The following EPHA7 variants were observed in gnomAD, a reference collection of about 807,000 sequenced individuals.
The protein encoded by EPHA7 is ephrin type-A receptor 7.
A neutral mutation model predicts 112.6 loss-of-function variants in EPHA7; 25 were observed. The ratio of observed to expected loss-of-function variants is 0.22; its 90% CI spans 0.16 to 0.31. The LOEUF is 0.31. Ranked by LOEUF, EPHA7 falls within the 10% of genes least tolerant of loss-of-function variation. EPHA7 has a pLI of 1.00. For synonymous variants in EPHA7, 437 were observed against 406.5 expected, an observed-to-expected ratio of 1.07 and a Z score of -0.90; for missense variants, 962 against 1,212.6, an observed-to-expected ratio of 0.79 and a Z score of 3.07.
chr6:93,283,517 G>A (rs7761727), intron 5 of EPHA7, among the ~76,000 whole-genome samples: 3,610 of 152,048 alleles, frequency 0.024, 58 homozygotes, highest in African/African-American at 0.048. Context: ...CAATCAATGC[G>A]AAGGTCTGCA....
chr6:93,242,944 A>G lies in EPHA7; in HGVS notation c.*482T>C, dbSNP rs958906780. 1 of 218,628 alleles carries G rather than the reference A, an allele frequency of 4.6e-6. No individual in the cohort carries two copies. The highest frequency in any genetic ancestry group is 9.2e-6 in the Non-Finnish European group (1 of 108,788). The allele number at this position is 218,628 out of a possible 1,614,324, so 13.5% of individuals were successfully genotyped here. On this transcript the variant is annotated 3_prime_UTR_variant, in exon 17 of 17. Coordinates refer to ENST00000369303, the MANE Select transcript of EPHA7 (RefSeq NM_004440.4). ...AGTAATGTTACAGATTTAACACTAA[A>G]AAGGTCCAAAGCTATAAACAGCTTT...
chr6:93,311,114 ATTTTTTTTTTTT>A lies in EPHA7; in HGVS notation c.1325-38704_1325-38693del, dbSNP rs71542009. On this transcript the variant is annotated intron_variant, in intron 5 of 16. Coordinates refer to ENST00000369303, the MANE Select transcript of EPHA7 (RefSeq NM_004440.4). ...ACAGGCATGTGCATCATGCCCAGCT[ATTTTTTTTTTTT>A]TTTTTTTTTTTTTTTACAGAGATTG... Among the ~76,000 whole-genome samples the A allele has an allele frequency of 8.8e-4, 69 of 78,512 alleles. 1 individual carries two copies. In the South Asian group the frequency reaches 0.026, roughly 30 times the overall value. 51.5% of individuals were successfully genotyped at this position (78,512 alleles called of 152,430 possible). A position where few individuals can be genotyped will look rare whatever the true frequency, so the allele number is the denominator to read the frequency against.
At chr6:93,354,909 A>T (rs1406204681) in intron 5 of EPHA7, among the ~76,000 whole-genome samples, 1 of 152,164 alleles carries the variant, frequency 6.6e-6, no homozygotes, top group African/African-American at 2.4e-5. Flanking sequence ...TAAAAATGTC[A>T]CTTCTTGATA....
At chr6:93,309,239 G>C (rs776953289) in intron 5 of EPHA7, among the ~76,000 whole-genome samples, 1 of 152,170 alleles carries the variant, frequency 6.6e-6, no homozygotes, top group Non-Finnish European at 1.5e-5. Context: ...GTGAGCCACC[G>C]CACCCAGCCT....
chr6:93,368,072 A>G (rs1253986819), intron 3 of EPHA7, among the ~76,000 whole-genome samples: 6 of 152,186 alleles, frequency 3.9e-5, no homozygotes, highest in African/African-American at 1.4e-4. Context: ...CCAAAAAGGT[A>G]TATCAGCTAA....
At chr6:93,296,456 TATATATATATG>T (rs1562077301) in intron 5 of EPHA7, among the ~76,000 whole-genome samples, 9 of 111,462 alleles carry the variant, frequency 8.1e-5, no homozygotes, top group South Asian at 2.4e-4. Context: ...TATATATAAA[TATATATATATG>T]TATATATATA....
intron 5 of EPHA7, among the ~76,000 whole-genome samples, chr6:93,288,040 T>C (rs1772161741): frequency 6.6e-6 from 1 of 152,156 alleles, no homozygotes; most frequent in Non-Finnish European, 1.5e-5. Context: ...AAGAGTTAAA[T>C]ATAAAGTTAC....
intron 5 of EPHA7, among the ~76,000 whole-genome samples, chr6:93,305,189 A>G (rs1773190143): frequency 6.6e-6 from 1 of 151,942 alleles, no homozygotes; most frequent in African/African-American, 2.4e-5. Flanking sequence ...CACAACTGAA[A>G]GTGTTCATGG....
chr6:93,302,541 C>A (rs1773040844), intron 5 of EPHA7, among the ~76,000 whole-genome samples: 1 of 152,196 alleles, frequency 6.6e-6, no homozygotes, highest in Admixed American at 6.5e-5. Context: ...AATTCTTCAA[C>A]TGCATTGGCG....
chr6:93,341,070 G>T (rs72914257), intron 5 of EPHA7, among the ~76,000 whole-genome samples: 37,985 of 151,646 alleles, frequency 0.25, 5,293 homozygotes, highest in Non-Finnish European at 0.32. Flanking sequence ...ATTCTTGCTG[G>T]GTAAGCATTA....
At chr6:93,402,190 T>TC (rs1778466276) in intron 3 of EPHA7, among the ~76,000 whole-genome samples, 1 of 151,924 alleles carries the variant, frequency 6.6e-6, no homozygotes, top group Non-Finnish European at 1.5e-5. Context: ...CCTTATGTTC[T>TC]CCCCCCTTTC....
chr6:93,288,757 A>G (rs1772202181), intron 5 of EPHA7, among the ~76,000 whole-genome samples: 1 of 152,122 alleles, frequency 6.6e-6, no homozygotes, highest in Admixed American at 6.5e-5. Context: ...AAGTTGAGAT[A>G]TCATTCTGAC....
intron 1 of EPHA7, among the ~76,000 whole-genome samples, chr6:93,418,271 G>A (rs1779344998): frequency 1.3e-5 from 2 of 152,052 alleles, no homozygotes; most frequent in Admixed American, 6.5e-5. Context: ...GCACCGAAAG[G>A]TATTTTACCT....
intron 16 of EPHA7, among the ~76,000 whole-genome samples, chr6:93,243,838 A>G (rs1265667817): frequency 6.6e-6 from 1 of 152,148 alleles, no homozygotes; most frequent in Non-Finnish European, 1.5e-5. Flanking sequence ...TAACTTAAGG[A>G]AAGGTTAGGA....
At position 93,261,407 on chromosome 6, in the gene EPHA7, T is replaced by C. The variant is rs111720384; in HGVS notation, c.1799-1928A>G. Among the ~76,000 whole-genome samples, 721 of 151,678 alleles carry C rather than the reference T, an allele frequency of 4.8e-3. 6 individuals carry two copies. Among genetic ancestry groups the C allele is most frequent in the African/African-American group, 0.017 (689 of 41,476 alleles). On this transcript the variant is annotated intron_variant, in intron 9 of 16. Coordinates refer to ENST00000369303, the MANE Select transcript of EPHA7 (RefSeq NM_004440.4). ...ATAGAGGAATAAAAAGACAGCAACT[T>C]GTAAACAGCTGGTTACCACAGTATT... is the stretch of plus-strand genomic sequence containing the variant.
chr6:93,253,194 C>T (rs1770292154), intron 14 of EPHA7, among the ~76,000 whole-genome samples: 1 of 151,892 alleles, frequency 6.6e-6, no homozygotes, highest in Non-Finnish European at 1.5e-5. Context: ...TTTGACAGTC[C>T]ATGAAATCTT....
At chr6:93,324,429 A>G (rs1054094846) in intron 5 of EPHA7, among the ~76,000 whole-genome samples, 11 of 151,336 alleles carry the variant, frequency 7.3e-5, no homozygotes, top group Admixed American at 6.6e-4. Flanking sequence ...ATAAACCGTT[A>G]TTAGATTTTT....
intron 5 of EPHA7, among the ~76,000 whole-genome samples, chr6:93,318,288 C>A (rs1194606801): frequency 6.6e-6 from 1 of 152,002 alleles, no homozygotes; most frequent in East Asian, 1.9e-4. Context: ...AATAAATTGG[C>A]CTGCATGTCT....
chr6:93,397,350 G>A (rs941826189), intron 3 of EPHA7, among the ~76,000 whole-genome samples: 2 of 151,718 alleles, frequency 1.3e-5, no homozygotes, highest in Non-Finnish European at 2.9e-5. Flanking sequence ...ATAAAACAGA[G>A]TAAACAAAAT....
Sources: gnomAD v4.1 joint callset for allele counts (sites outside exome capture counted in the v4.1 genomes callset) on GRCh38, gnomAD v4.1.1 for gene constraint, MANE v1.5 for transcripts, NCBI Gene and HGNC (gene_info 2026-07-23, HGNC 2026-07-21) for gene names.